SH3TC1: variants seen among roughly 807,000 people sequenced by gnomAD.
The protein encoded by SH3TC1 is SH3 domain and tetratricopeptide repeat-containing protein 1.
In SH3TC1, 135 loss-of-function variants were observed where a neutral mutation model predicts 117.3. That is an observed-to-expected ratio of 1.15 (90% CI 1.00 to 1.33). The LOEUF (loss-of-function observed/expected upper bound fraction) is 1.33. Ranked by LOEUF, SH3TC1 falls within the 40% of genes most tolerant of loss-of-function variation. The pLI is 0.00. For synonymous variants in SH3TC1, 898 were observed against 816.9 expected (o/e 1.10, Z -1.69); for missense variants, 2,092 against 1,794.3 (o/e 1.17, Z -3.00).
chr4:8,233,280 A>G (rs936324928), intron 13 of SH3TC1, 83 bp from the exon 14 acceptor site: 2 of 1,512,088 alleles, frequency 1.3e-6, no homozygotes, highest in African/African-American at 1.4e-5. Flanking sequence ...TTCCAGATTC[A>G]TCTGTCACCA....
intron 9 of SH3TC1, among the ~76,000 whole-genome samples, chr4:8,220,901 C>G (rs2152988172): frequency 6.6e-6 from 1 of 152,378 alleles, no homozygotes; most frequent in South Asian, 2.1e-4. Context: ...ATGGCAGGAG[C>G]TAGACCAGCA....
chr4:8,240,728 C>T lies in SH3TC1; in HGVS notation c.3784C>T (p.Leu1262=). ...GTTTGATGCAGCCGGGTACTACCAG[C>T]TGGCGCTGGCAGCCGCCGTGGACCT... The part of the protein sequence containing the change: ...DPFDAAGYYQ[L]ALAAAVDLGN... The change falls in exon 18 of 18, where the codon CTG becomes TTG. Residue 1262 remains leucine, a synonymous_variant. Transcript: ENST00000245105. 1 of 1,613,852 alleles carries T rather than the reference C, an allele frequency of 6.2e-7. No homozygotes were observed. Among genetic ancestry groups the T allele is most frequent in the South Asian group, 1.1e-5 (1 of 91,088 alleles).
Position 8,227,729 on chromosome 4 carries a change from A to G in SH3TC1, c.2035A>G (p.Lys679Glu). Residue 679 changes from lysine (K) to glutamate (E), a missense_variant, in exon 12 of 18, where the codon AAG becomes GAG. Physicochemically the swap from Lys to Glu is moderately conservative, Grantham distance 56. Coordinates refer to ENST00000245105, the MANE Select transcript of SH3TC1 (RefSeq NM_018986.5). ...FLLARHHVHL[K>E]QPEEALPFLE... ...GCTGGCCAGGCACCACGTGCACCTC[A>G]AGCAGCCCGAGGAGGCCCTGCCCTT... The G allele has an allele frequency of 6.3e-7, 1 of 1,595,146 alleles. No individual in the cohort carries two copies. The highest frequency in any genetic ancestry group is 1.1e-5 in the South Asian group (1 of 88,560).
Position 8,227,324 on chromosome 4 carries a change from G to C in SH3TC1, c.1630G>C (p.Ala544Pro). 6.2e-7 allele frequency: 1 copy of C among 1,609,308 alleles called. No individual in the cohort carries two copies. The highest frequency in any genetic ancestry group is 1.1e-5 in the South Asian group (1 of 90,656). The change falls in exon 12 of 18, where the codon GCA becomes CCA. Residue 544 changes from alanine to proline, a missense_variant. Transcript: ENST00000245105. ...CGAGGAGGAGCTGACTGGGCGCCTG[G>C]CACAGGCCCGGGGGGCGGCCAAGAA... ...SDEEELTGRL[A>P]QARGAAKKAG...
At position 8,209,575 on chromosome 4, in the gene SH3TC1, T is replaced by A. The variant is rs1718473070; in HGVS notation, c.173-173T>A. The A allele has an allele frequency of 6.8e-7, 1 of 1,479,868 alleles. No individual in the cohort carries two copies. The highest frequency in any genetic ancestry group is 9.1e-7 in the Non-Finnish European group (1 of 1,097,932). The allele number at this position is 1,479,868 out of a possible 1,614,324, so 91.7% of individuals were successfully genotyped here. A position where few individuals can be genotyped will look rare whatever the true frequency, so the allele number is the denominator to read the frequency against. ...AGCATGCTGGGAAGTGCAGGCAGCT[T>A]CCCTCCTTGCTGGGCTCTGGGGAGA... On this transcript the variant is annotated intron_variant, in intron 2 of 17. Coordinates refer to ENST00000245105, the MANE Select transcript of SH3TC1 (RefSeq NM_018986.5). This position sits in a 1 kb window ranked among gnomAD's most constrained non-coding sequence, Gnocchi z 5.9.
At position 8,216,953 on chromosome 4, in the gene SH3TC1, G is replaced by A. The variant is rs755307052; in HGVS notation, c.629-4G>A. ...CCTCAGTGACCACCTCCATCCTTTTGAAGGGCCCTTCTTTGTCCTGTGTCC... is the reference window on the plus strand; with the variant it reads ...CCTCAGTGACCACCTCCATCCTTTTAAAGGGCCCTTCTTTGTCCTGTGTCC... On this transcript the variant is annotated splice_region_variant and splice_polypyrimidine_tract_variant and intron_variant, in intron 6 of 17. Transcript: ENST00000245105. 1.2e-6 allele frequency: 2 copies of A among 1,614,062 alleles called. No individual in the cohort carries two copies. The highest frequency in any genetic ancestry group is 2.2e-5 in the South Asian group (2 of 91,084).
At chr4:8,240,293 C>T (rs184916673) in intron 17 of SH3TC1, among the ~76,000 whole-genome samples, 1 of 152,192 alleles carries the variant, frequency 6.6e-6, no homozygotes, top group Non-Finnish European at 1.5e-5. Context: ...CCATGGAGGG[C>T]CTGGAAATGG....
intron 11 of SH3TC1, among the ~76,000 whole-genome samples, chr4:8,226,328 C>T (rs1008252364): frequency 1.3e-5 from 2 of 152,194 alleles, no homozygotes; most frequent in Non-Finnish European, 2.9e-5. Context: ...CTGCGGGCTT[C>T]AGGTTTTCAG....
chr4:8,212,355 G>T (rs1182724491), intron 3 of SH3TC1, among the ~76,000 whole-genome samples: 1 of 152,090 alleles, frequency 6.6e-6, no homozygotes, highest in African/African-American at 2.4e-5. Context: ...GGAGCGCTGA[G>T]GGGAGGGGTT....
At chr4:8,194,359 C>T (rs1051065556), upstream of SH3TC1, among the ~76,000 whole-genome samples, 15 of 152,208 alleles carry the variant, frequency 9.9e-5, no homozygotes, top group Non-Finnish European at 1.5e-5. Context: ...AAGGCGCACT[C>T]GCGTTTCCCA....
At chr4:8,215,275 T>C (rs949723465) in intron 5 of SH3TC1, 1 of 455,676 alleles carries the variant, frequency 2.2e-6, no homozygotes, top group African/African-American at 2.0e-5. Flanking sequence ...CCTGTTCCAT[T>C]TGGAGGAATT....
rs774893478 is a variant in SH3TC1 at position 8,228,509 on chromosome 4, G to A, written c.2815G>A (p.Gly939Arg). The A allele has an allele frequency of 1.6e-5, 25 of 1,611,106 alleles. No homozygotes were observed. The highest frequency in any genetic ancestry group is 3.3e-5 in the South Asian group (3 of 90,938). ...AVRLFSRLPL[G>R]ECGRDFTHVL... ...GCGGCTGTTCTCGAGGCTGCCCCTTGGGGAGTGTGGCCGGGACTTCACCCA... is the reference window on the plus strand; with the variant it reads ...GCGGCTGTTCTCGAGGCTGCCCCTTAGGGAGTGTGGCCGGGACTTCACCCA... The change falls in exon 12 of 18, where the codon GGG becomes AGG. Residue 939 changes from glycine (G) to arginine (R), a missense_variant. Coordinates refer to ENST00000245105, the MANE Select transcript of SH3TC1 (RefSeq NM_018986.5).
intron 9 of SH3TC1, 107 bp downstream of exon 9, chr4:8,219,637 T>A: frequency 8.2e-7 from 1 of 1,215,312 alleles, no homozygotes; most frequent in Non-Finnish European, 1.1e-6. Context: ...AAAGTCACTG[T>A]GGACGATGCC....
Position 8,216,117 on chromosome 4 carries a change from C to T in SH3TC1, c.488C>T (p.Thr163Ile), listed in dbSNP as rs550492779. ...CTGGGCCTGGCCTCCACAGGCTTCA[C>T]TCATCACTGCCTGGCAAACCTGCTC... ...KFSTYHALGF[T>I]HHCLANLLMD... The change falls in exon 6 of 18, where the codon ACT (threonine) becomes ATT (isoleucine). Residue 163 changes from threonine to isoleucine, a missense_variant. Transcript: ENST00000245105. 23 of 1,613,018 alleles carry T rather than the reference C, an allele frequency of 1.4e-5. No individual in the cohort carries two copies. The highest frequency in any genetic ancestry group is 1.6e-5 in the Non-Finnish European group (19 of 1,179,972).
In SH3TC1 at chr4:8,193,722, C is replaced by T. The variant is rs1254012850; in HGVS notation, c.-57+11512C>T. ...AGAGCTGAGATGGGGGTGCTGCCAT[C>T]GCCAGTGGCAGGTGGGGCTCCAAGC... On this transcript the variant is annotated intron_variant, in intron 1 of 16. Transcript: ENST00000508641. 2.0e-5 allele frequency among the ~76,000 whole-genome samples: 3 copies of T among 152,280 alleles called. No individual in the cohort carries two copies. The South Asian group carries it at 6.2e-4, about 32-fold the overall frequency.
chr4:8,227,505 A>C lies in SH3TC1; in HGVS notation c.1811A>C (p.Tyr604Ser). 1 of 1,553,718 alleles carries C rather than the reference A, an allele frequency of 6.4e-7. No homozygotes were observed. The highest frequency in any genetic ancestry group is 2.2e-5 in the East Asian group (1 of 44,572). The change falls in exon 12 of 18, where the codon TAC (tyrosine) becomes TCC (serine). Residue 604 changes from tyrosine to serine, a missense_variant. Coordinates refer to ENST00000245105, the MANE Select transcript of SH3TC1 (RefSeq NM_018986.5). ...GACCTGTTCCTAGTGGTGGCTGTGT[A>C]CGCCAACCTGGCCAGCATTTACCGG... The part of the protein sequence containing the change: ...FGDLFLVVAV[Y>S]ANLASIYRKQ...
intron 1 of SH3TC1, among the ~76,000 whole-genome samples, chr4:8,189,825 A>C (rs1717358478): frequency 6.6e-6 from 1 of 152,096 alleles, no homozygotes; most frequent in Admixed American, 6.5e-5. Context: ...CGCCGGCGTG[A>C]GCTCCCCGCA....
chr4:8,223,631 CT>C (rs761152183), intron 10 of SH3TC1, among the ~76,000 whole-genome samples: 12,733 of 136,450 alleles, frequency 0.093, 495 homozygotes, highest in African/African-American at 0.14. Flanking sequence ...TACACACCCA[CT>C]TTTTTTTTTT....
intron 9 of SH3TC1, among the ~76,000 whole-genome samples, chr4:8,221,440 CTCT>C (rs1719911710): frequency 6.6e-6 from 1 of 152,068 alleles, no homozygotes; most frequent in African/African-American, 2.4e-5. Flanking sequence ...AACCTGGTAG[CTCT>C]TCTTTTTTTT....
Sources: gnomAD v4.1 joint callset for allele counts (sites outside exome capture counted in the v4.1 genomes callset) on GRCh38, gnomAD v4.1.1 for gene constraint, Gnocchi (gnomAD v3.1) non-coding constraint, MANE v1.5 for transcripts, NCBI Gene and HGNC (gene_info 2026-07-23, HGNC 2026-07-21) for gene names.